The following EPB41L4A variants were observed in gnomAD, a reference collection of about 807,000 sequenced individuals.
EPB41L4A encodes the protein erythrocyte membrane protein band 4.1 like 4A.
In EPB41L4A, 100 loss-of-function variants were observed where a neutral mutation model predicts 108.6. The observed-to-expected ratio is 0.92, with a 90% CI of 0.78 to 1.09. EPB41L4A has a LOEUF of 1.09. Ranked by LOEUF, EPB41L4A falls within the 50% of genes least tolerant of loss-of-function variation. The pLI is 0.00. For missense variants in EPB41L4A, 1,030 were observed against 842.7 expected, an observed-to-expected ratio of 1.22 and a Z score of -2.75; for synonymous variants, 319 against 289.0, an observed-to-expected ratio of 1.10 and a Z score of -1.05.
intron 6 of EPB41L4A, among the ~76,000 whole-genome samples, chr5:112,262,818 C>T (rs746556330): frequency 6.6e-6 from 1 of 152,140 alleles, no homozygotes; most frequent in African/African-American, 2.4e-5. Flanking sequence ...TAGCCTATCC[C>T]CAATGTCCCA....
Position 112,262,511 on chromosome 5 carries a change from C to T in EPB41L4A, c.625G>A (p.Asp209Asn), listed in dbSNP as rs1011439193. Residue 209 changes from aspartate to asparagine, a missense_variant, in exon 7 of 23, where the codon GAC becomes AAC. Physicochemically the swap from Asp to Asn is conservative, Grantham distance 23 (BLOSUM62 1). Coordinates refer to ENST00000261486, the MANE Select transcript of EPB41L4A (RefSeq NM_022140.5). ...TAKSLEMYGV[D>N]LHPVYGENKS... Reference sequence around the variant, plus strand: ...TTACTCACATAGACGGGATGGAGGTCAACGCCATACATCTCCAGGGATTTG... The same window carrying T: ...TTACTCACATAGACGGGATGGAGGTTAACGCCATACATCTCCAGGGATTTG... 6.2e-7 allele frequency: 1 copy of T among 1,613,730 alleles called. No individual in the cohort carries two copies. The highest frequency in any genetic ancestry group is 1.3e-5 in the African/African-American group (1 of 74,854).
intron 13 of EPB41L4A, among the ~76,000 whole-genome samples, chr5:112,209,276 T>C (rs183971458): frequency 3.9e-5 from 6 of 152,314 alleles, no homozygotes; most frequent in African/African-American, 1.4e-4. Context: ...GTGAACATAA[T>C]TGGAGAGAAG....
chr5:112,399,266 T>A (rs1041612928), intron 1 of EPB41L4A, among the ~76,000 whole-genome samples: 2 of 152,098 alleles, frequency 1.3e-5, no homozygotes, highest in African/African-American at 4.8e-5. Context: ...CTGCCTCCTG[T>A]CACCCCCATT....
chr5:112,214,498 T>G (rs1023042848), intron 12 of EPB41L4A, among the ~76,000 whole-genome samples: 2 of 151,256 alleles, frequency 1.3e-5, no homozygotes, highest in African/African-American at 4.9e-5. Flanking sequence ...GCGCGGCGGC[T>G]CACGCCTGTA....
chr5:112,210,119 A>C (rs1039413671), intron 12 of EPB41L4A, 137 bp from the exon 13 acceptor site: 17 of 546,362 alleles, frequency 3.1e-5, no homozygotes, highest in Middle Eastern at 7.7e-4. Flanking sequence ...ACCCCAAATA[A>C]ATAATGAATC....
downstream of EPB41L4A, chr5:112,161,146 C>A: frequency 5.1e-6 from 1 of 194,348 alleles, no homozygotes; most frequent in South Asian, 8.3e-5. Flanking sequence ...TCCAGATAAG[C>A]CTGGTTTTAT....
intron 12 of EPB41L4A, among the ~76,000 whole-genome samples, chr5:112,151,535 G>A (rs1425891926): frequency 6.6e-6 from 1 of 151,906 alleles, no homozygotes; most frequent in Non-Finnish European, 1.5e-5. Context: ...AGTCTCCAAA[G>A]TAGCTGGGAC....
intron 1 of EPB41L4A, among the ~76,000 whole-genome samples, chr5:112,336,940 C>T (rs1756959072): frequency 6.6e-6 from 1 of 152,156 alleles, no homozygotes; most frequent in Admixed American, 6.5e-5. Context: ...TGTTCATATA[C>T]CTTGCTCATA....
At chr5:112,282,745 T>C (rs1753048434) in intron 2 of EPB41L4A, among the ~76,000 whole-genome samples, 1 of 152,200 alleles carries the variant, frequency 6.6e-6, no homozygotes, top group Non-Finnish European at 1.5e-5. Flanking sequence ...TATGTGCTTG[T>C]GGCAAGAAGG....
chr5:112,259,843 A>G, intron 8 of EPB41L4A, 48 bp downstream of exon 8: 2 of 1,429,116 alleles, frequency 1.4e-6, no homozygotes, highest in Non-Finnish European at 2.0e-6. Flanking sequence ...CAGGAGTCCC[A>G]TAAGCCCAAA....
In EPB41L4A at chr5:112,353,578, G is replaced by A. The variant is rs954608784; in HGVS notation, c.100-46088C>T. Among the ~76,000 whole-genome samples, 3 of 152,004 alleles carry A rather than the reference G, an allele frequency of 2.0e-5. No individual in the cohort carries two copies. In the East Asian group the frequency reaches 5.8e-4, roughly 29 times the overall value. ...GCTCGGTGGGCCCATTTTCAGACCT[G>A]TGGGAGGTGTGTACAAATCCCAGCA... On this transcript the variant is annotated intron_variant, in intron 1 of 22. Coordinates refer to ENST00000261486, the MANE Select transcript of EPB41L4A (RefSeq NM_022140.5).
In EPB41L4A at chr5:112,405,178, G is replaced by A. The variant is rs571094458; in HGVS notation, c.99+13763C>T. 7.2e-5 allele frequency among the ~76,000 whole-genome samples: 11 copies of A among 152,294 alleles called. No individual in the cohort carries two copies. The South Asian group carries it at 2.3e-3, about 32-fold the overall frequency. ...CTCGGGTCACTTTCCATGGAGGGAGGTCAGCTGCCATATTGCAAAGTACTC... is the reference window on the plus strand; with the variant it reads ...CTCGGGTCACTTTCCATGGAGGGAGATCAGCTGCCATATTGCAAAGTACTC... On this transcript the variant is annotated intron_variant, in intron 1 of 22. Coordinates refer to ENST00000261486, the MANE Select transcript of EPB41L4A (RefSeq NM_022140.5).
At chr5:112,184,687 C>T (rs1415815336) in intron 17 of EPB41L4A, among the ~76,000 whole-genome samples, 3 of 152,128 alleles carry the variant, frequency 2.0e-5, no homozygotes. Flanking sequence ...CCATTCCCAT[C>T]ATGGCTGCTC....
chr5:112,348,501 G>GT (rs1757830103), intron 1 of EPB41L4A, among the ~76,000 whole-genome samples: 1 of 152,148 alleles, frequency 6.6e-6, no homozygotes, highest in East Asian at 1.9e-4. Context: ...AATGTTTCTA[G>GT]TTGCAGACAA....
intron 21 of EPB41L4A, 59 bp downstream of exon 21, chr5:112,168,936 T>C (rs1233944970): frequency 6.0e-6 from 9 of 1,508,870 alleles, no homozygotes; most frequent in Non-Finnish European, 7.4e-6. Flanking sequence ...TAAAGTTCTT[T>C]TAGACTGCAC....
At chr5:112,233,676 T>C (rs114991880) in intron 12 of EPB41L4A, among the ~76,000 whole-genome samples, 2,181 of 152,206 alleles carry the variant, frequency 0.014, 45 homozygotes, top group African/African-American at 0.049. Flanking sequence ...GCCTCTTGAG[T>C]AGCTAGGACG....
At chr5:112,165,669 AACT>A (rs1760200688) in intron 22 of EPB41L4A, among the ~76,000 whole-genome samples, 1 of 152,178 alleles carries the variant, frequency 6.6e-6, no homozygotes, top group African/African-American at 2.4e-5. Context: ...ACTAACTCAC[AACT>A]ACTACTTCTT....
chr5:112,326,337 C>T (rs556538064), intron 1 of EPB41L4A, among the ~76,000 whole-genome samples: 30 of 152,162 alleles, frequency 2.0e-4, no homozygotes, highest in African/African-American at 7.0e-4. Flanking sequence ...ACTGCCAGAC[C>T]TACACACAAC....
At chr5:112,327,265 T>C (rs992609716) in intron 1 of EPB41L4A, among the ~76,000 whole-genome samples, 1 of 152,212 alleles carries the variant, frequency 6.6e-6, no homozygotes, top group Non-Finnish European at 1.5e-5. Flanking sequence ...CAAGACATTA[T>C]ATACTCAAAC....
Sources: gnomAD v4.1 joint callset for allele counts (sites outside exome capture counted in the v4.1 genomes callset) on GRCh38, gnomAD v4.1.1 for gene constraint, MANE v1.5 for transcripts, NCBI Gene and HGNC (gene_info 2026-07-23, HGNC 2026-07-21) for gene names.